FCHO2: variants seen among roughly 807,000 people sequenced by gnomAD.
FCHO2 encodes the protein F-BAR domain only protein 2.
Under a neutral mutation model 114.1 loss-of-function variants are expected in FCHO2, and 43 were observed. The ratio of observed to expected loss-of-function variants is 0.38; its 90% CI spans 0.30 to 0.49. The LOEUF (loss-of-function observed/expected upper bound fraction) is 0.49. Ranked by LOEUF, FCHO2 falls within the 20% of genes least tolerant of loss-of-function variation. The pLI, the probability that FCHO2 is intolerant of heterozygous loss-of-function variation, is 0.97. For missense variants in FCHO2, 807 were observed against 950.4 expected (o/e 0.85, Z 1.98); for synonymous variants, 293 against 315.2 (o/e 0.93, Z 0.75).
At chr5:73,042,284 C>T (rs555309452) in intron 11 of FCHO2, among the ~76,000 whole-genome samples, 4 of 152,038 alleles carry the variant, frequency 2.6e-5, no homozygotes, top group Non-Finnish European at 4.4e-5. Context: ...CTGTTTGATA[C>T]CCTTGGTTAA....
At chr5:73,066,575 C>CTTTTTTTTTTTTTTTTTTTTTTTT (rs3054234) in intron 18 of FCHO2, among the ~76,000 whole-genome samples, 1 of 101,424 alleles carries the variant, frequency 9.9e-6, no homozygotes, top group Non-Finnish European at 2.0e-5. Context: ...AGTGCCTTTT[C>CTTTTTTTTTTTTTTTTTTTTTTTT]TTTTTTTTTT....
rs116195245 is a variant in FCHO2 at position 73,061,821 on chromosome 5, G to A, written c.1346-2020G>A. ...TAATGCTTTGGATGGGATTTCTTCC[G>A]ACAGCTGCATCTCTGAGGATCACAG... is the stretch of plus-strand genomic sequence containing the variant. On this transcript the variant is annotated intron_variant, in intron 17 of 25. Coordinates refer to ENST00000430046, the MANE Select transcript of FCHO2 (RefSeq NM_138782.3). Among the ~76,000 whole-genome samples, 1,172 of 152,158 alleles carry A rather than the reference G, an allele frequency of 7.7e-3. 14 individuals are homozygous for A. Among genetic ancestry groups the A allele is most frequent in the African/African-American group, 0.027 (1,122 of 41,538 alleles).
At position 73,089,910 on chromosome 5, in the gene FCHO2, A is replaced by G. The variant is rs886558586; in HGVS notation, c.*1820A>G. The G allele has an allele frequency of 6.6e-5, 10 of 152,570 alleles. No individual in the cohort carries two copies. The highest frequency in any genetic ancestry group is 1.5e-4 in the Non-Finnish European group (10 of 67,976). The allele number at this position is 152,570 out of a possible 1,614,324, so 9.5% of individuals were successfully genotyped here. A position where few individuals can be genotyped will look rare whatever the true frequency, so the allele number is the denominator to read the frequency against. ...ATTTGCTAAAATGCTAATCTTTACT[A>G]AATAGTGAGCTAAATTAGAATTTCT... On this transcript the variant is annotated 3_prime_UTR_variant, in exon 26 of 26. Coordinates refer to ENST00000430046, the MANE Select transcript of FCHO2 (RefSeq NM_138782.3).
At chr5:72,971,448 C>A (rs1752546811) in intron 2 of FCHO2, among the ~76,000 whole-genome samples, 1 of 152,192 alleles carries the variant, frequency 6.6e-6, no homozygotes, top group Non-Finnish European at 1.5e-5. Context: ...TATCTGATGG[C>A]CAGCGATGGT....
intron 2 of FCHO2, among the ~76,000 whole-genome samples, chr5:72,973,477 A>G (rs895909397): frequency 2.6e-5 from 4 of 152,116 alleles, no homozygotes; most frequent in African/African-American, 9.7e-5. Flanking sequence ...TAGATTTTCT[A>G]GTTTATTTGC....
intron 16 of FCHO2, among the ~76,000 whole-genome samples, chr5:73,056,563 T>C (rs946111655): frequency 5.3e-5 from 8 of 152,188 alleles, no homozygotes; most frequent in Admixed American, 4.6e-4. Context: ...TTCTGAGCTG[T>C]CAAATGCAAT....
intron 2 of FCHO2, among the ~76,000 whole-genome samples, chr5:72,972,695 C>T (rs1752626135): frequency 2.0e-5 from 3 of 152,130 alleles, no homozygotes; most frequent in Admixed American, 2.0e-4. Flanking sequence ...CCCTTTATTT[C>T]CTTCTCCTGC....
chr5:72,976,604 TTG>T (rs1262503907), intron 2 of FCHO2, among the ~76,000 whole-genome samples: 1 of 152,128 alleles, frequency 6.6e-6, no homozygotes, highest in African/African-American at 2.4e-5. Flanking sequence ...ATATGGTTGT[TTG>T]TGTTCTTACT....
chr5:72,957,635 T>G (rs1295092224), intron 1 of FCHO2, among the ~76,000 whole-genome samples: 1 of 152,262 alleles, frequency 6.6e-6, no homozygotes, highest in Non-Finnish European at 1.5e-5. Flanking sequence ...TTTTGGGTTA[T>G]GAATAATGCT....
intron 16 of FCHO2, among the ~76,000 whole-genome samples, chr5:73,057,062 T>C (rs1757630644): frequency 6.6e-6 from 1 of 151,854 alleles, no homozygotes; most frequent in African/African-American, 2.4e-5. Context: ...CAGGCTCAAA[T>C]GATCCTCCCG....
At chr5:72,957,186 C>T (rs1751598374) in intron 1 of FCHO2, among the ~76,000 whole-genome samples, 1 of 152,130 alleles carries the variant, frequency 6.6e-6, no homozygotes, top group African/African-American at 2.4e-5. Context: ...AACGTATATA[C>T]TAGACCTTAG....
chr5:72,959,753 C>T (rs1751747592), intron 1 of FCHO2, among the ~76,000 whole-genome samples: 1 of 150,844 alleles, frequency 6.6e-6, no homozygotes, highest in African/African-American at 2.4e-5. Context: ...CTTGTCTTGT[C>T]TTCTCTTCTC....
intron 6 of FCHO2, among the ~76,000 whole-genome samples, chr5:73,006,821 A>G (rs1329829585): frequency 6.6e-6 from 1 of 152,220 alleles, no homozygotes; most frequent in African/African-American, 2.4e-5. Context: ...TGATGAAGAC[A>G]GTGCTTAAGA....
intron 9 of FCHO2, among the ~76,000 whole-genome samples, chr5:73,035,354 G>T (rs1756446321): frequency 6.6e-6 from 1 of 152,100 alleles, no homozygotes; most frequent in Non-Finnish European, 1.5e-5. Flanking sequence ...GGGAGGAGGA[G>T]TCTGTGGTGA....
intron 1 of FCHO2, among the ~76,000 whole-genome samples, chr5:72,967,767 A>G (rs1039473631): frequency 6.7e-6 from 1 of 150,002 alleles, no homozygotes; most frequent in Non-Finnish European, 1.5e-5. Context: ...TTATGGGTGC[A>G]TGCCACCATG....
Position 73,072,486 on chromosome 5 carries a change from C to T in FCHO2, c.1580-2256C>T, listed in dbSNP as rs1742704020. On this transcript the variant is annotated intron_variant, in intron 19 of 25. Transcript: ENST00000430046. The stretch of plus-strand genomic sequence containing the variant: ...TCGTAGCAGCACTATTCACAGCAGC[C>T]AAAAGGTAGAAGCAAGCCATGTCCA... Among the ~76,000 whole-genome samples the T allele has an allele frequency of 2.0e-5, 3 of 152,090 alleles. No homozygotes were observed. The South Asian group carries it at 6.2e-4, about 32-fold the overall frequency.
chr5:73,025,933 C>T (rs935330251), intron 8 of FCHO2, among the ~76,000 whole-genome samples: 26 of 152,086 alleles, frequency 1.7e-4, no homozygotes, highest in Non-Finnish European at 3.1e-4. Flanking sequence ...TGAGTTCCAC[C>T]CTAAACTAGC....
intron 8 of FCHO2, among the ~76,000 whole-genome samples, chr5:73,026,418 C>T (rs1321185211): frequency 2.6e-5 from 4 of 151,500 alleles, no homozygotes; most frequent in African/African-American, 9.7e-5. Flanking sequence ...TGCCATGAGC[C>T]GAGATTGCAT....
intron 1 of FCHO2, among the ~76,000 whole-genome samples, chr5:72,958,747 T>C (rs1003073888): frequency 6.6e-6 from 1 of 152,242 alleles, no homozygotes; most frequent in Admixed American, 6.5e-5. Context: ...ACAATGGCAA[T>C]TTATAAAATG....
Sources: gnomAD v4.1 joint callset for allele counts (sites outside exome capture counted in the v4.1 genomes callset) on GRCh38, gnomAD v4.1.1 for gene constraint, MANE v1.5 for transcripts, NCBI Gene and HGNC (gene_info 2026-07-23, HGNC 2026-07-21) for gene names.